Variants in SLC9A5 observed in about 807,000 individuals in gnomAD.
SLC9A5 encodes solute carrier family 9 member A5.
Under a neutral mutation model 91.7 loss-of-function variants are expected in SLC9A5, and 52 were observed. That is an observed-to-expected ratio of 0.57 (90% confidence interval 0.45 to 0.71). The LOEUF (loss-of-function observed/expected upper bound fraction) is 0.71. Among genes scored for constraint, SLC9A5 ranks in the 30% least tolerant of loss-of-function variants. The pLI is 0.00. For missense variants in SLC9A5, 871 were observed against 1,158.9 expected (o/e 0.75, Z 3.61); for synonymous variants, 419 against 474.5 (o/e 0.88, Z 1.52).
Position 67,258,542 on chromosome 16 carries a change from G to A in SLC9A5, c.1626+95G>A. 1 of 1,458,634 alleles carries A rather than the reference G, an allele frequency of 6.9e-7. No individual in the cohort carries two copies. Among genetic ancestry groups the A allele is most frequent in the East Asian group, 2.3e-5 (1 of 43,592 alleles). 90.4% of individuals were successfully genotyped at this position (1,458,634 alleles called of 1,614,324 possible). A position where few individuals can be genotyped will look rare whatever the true frequency, so the allele number is the denominator to read the frequency against. On this transcript the variant is annotated intron_variant, in intron 10 of 15. Transcript: ENST00000299798. This position sits in a 1 kb window ranked among gnomAD's most constrained non-coding sequence, Gnocchi z 4.5. Reference sequence around the variant, plus strand: ...GTGGCAAGCAGGCTGGCCCTGAGCAGGGAGTTGGGAATTCCTAGCTGGCTC... The same window carrying A: ...GTGGCAAGCAGGCTGGCCCTGAGCAAGGAGTTGGGAATTCCTAGCTGGCTC...
chr16:67,255,661 G>A lies in SLC9A5; in HGVS notation c.734-92G>A. ...TTTTGAGCCCCTGGGAGTGCGGTGG[G>A]CATCATCCCTCACTCCCTGCCAGGC... On this transcript the variant is annotated intron_variant, in intron 4 of 15. Coordinates refer to ENST00000299798, the MANE Select transcript of SLC9A5 (RefSeq NM_004594.3). This position sits in a 1 kb window ranked among gnomAD's most constrained non-coding sequence, Gnocchi z 4.9. The A allele has an allele frequency of 7.1e-7, 1 of 1,410,704 alleles. No individual in the cohort carries two copies. The allele number at this position is 1,410,704 out of a possible 1,614,324, so 87.4% of individuals were successfully genotyped here.
chr16:67,256,040 C>A lies in SLC9A5; in HGVS notation c.911+110C>A. On this transcript the variant is annotated intron_variant, in intron 5 of 15. Coordinates refer to ENST00000299798, the MANE Select transcript of SLC9A5 (RefSeq NM_004594.3). The surrounding 1 kb of genome is among the most constrained non-coding windows in gnomAD (Gnocchi z 4.1). ...CAGGAGTCCATAGGTTTCCCTGAGCCCTTGTGGTAGTGGGAGCCTCAGACT... is the reference window on the plus strand; with the variant it reads ...CAGGAGTCCATAGGTTTCCCTGAGCACTTGTGGTAGTGGGAGCCTCAGACT... 1 of 1,224,386 alleles carries A rather than the reference C, an allele frequency of 8.2e-7. No homozygotes were observed. The highest frequency in any genetic ancestry group is 1.1e-6 in the Non-Finnish European group (1 of 882,620). The allele number at this position is 1,224,386 out of a possible 1,614,324, so 75.8% of individuals were successfully genotyped here. A position where few individuals can be genotyped will look rare whatever the true frequency, so the allele number is the denominator to read the frequency against.
chr16:67,255,740 A>G lies in SLC9A5; in HGVS notation c.734-13A>G. On this transcript the variant is annotated splice_polypyrimidine_tract_variant and intron_variant, in intron 4 of 15. Coordinates refer to ENST00000299798, the MANE Select transcript of SLC9A5 (RefSeq NM_004594.3). This position sits in a 1 kb window ranked among gnomAD's most constrained non-coding sequence, Gnocchi z 4.9. ...GGGCCAGGGGTCATGCTGACAACCCACTCCTCCCCCAGCCTCCCTGTTTGT... is the reference window on the plus strand; with the variant it reads ...GGGCCAGGGGTCATGCTGACAACCCGCTCCTCCCCCAGCCTCCCTGTTTGT... The G allele has an allele frequency of 6.5e-7, 1 of 1,549,808 alleles. No homozygotes were observed. The highest frequency in any genetic ancestry group is 8.7e-7 in the Non-Finnish European group (1 of 1,146,220).
rs2035904242 is a variant in SLC9A5, at chr16:67,271,054, G to A, written c.2535G>A (p.Leu845=). The part of the protein sequence containing the change: ...PRSSFAFPPS[L]AKAGRSRSES... ...CTAGCTTCGCCTTCCCACCGAGCCT[G>A]GCCAAGGCTGGCCGCTCTCGCAGTG... The change falls in exon 16 of 16, where the codon CTG becomes CTA. Residue 845 remains leucine (L), a synonymous_variant. Transcript: ENST00000299798. The A allele has an allele frequency of 1.2e-6, 2 of 1,611,944 alleles. No individual in the cohort carries two copies. Among genetic ancestry groups the A allele is most frequent in the Non-Finnish European group, 1.7e-6 (2 of 1,178,500 alleles).
intron 10 of SLC9A5, among the ~76,000 whole-genome samples, chr16:67,259,024 G>A (rs2035421054): frequency 6.6e-6 from 1 of 151,728 alleles, no homozygotes; most frequent in Non-Finnish European, 1.5e-5. Flanking sequence ...ACTTTGGGGG[G>A]CCAAGGCGGG....
Position 67,270,732 on chromosome 16 carries a change from C to T in SLC9A5, c.2219-6C>T. ...TAATGAGTTCATGTGTACTCTCTGT[C>T]CCCAGGAAGCCTTGAGGTGTGCCCA... On this transcript the variant is annotated splice_region_variant and splice_polypyrimidine_tract_variant and intron_variant, in intron 15 of 15. Coordinates refer to ENST00000299798, the MANE Select transcript of SLC9A5 (RefSeq NM_004594.3). This position sits in a 1 kb window ranked among gnomAD's most constrained non-coding sequence, Gnocchi z 4.3. 1 of 1,583,926 alleles carries T rather than the reference C, an allele frequency of 6.3e-7. No individual in the cohort carries two copies. The highest frequency in any genetic ancestry group is 8.6e-7 in the Non-Finnish European group (1 of 1,161,368).
rs1223038858 is a variant in SLC9A5, at chr16:67,255,640, G to C, written c.734-113G>C. ...CCAGGGATCCTGGCTCTGGGGTTTT[G>C]AGCCCCTGGGAGTGCGGTGGGCATC... is the stretch of plus-strand genomic sequence containing the variant. On this transcript the variant is annotated intron_variant, in intron 4 of 15. Transcript: ENST00000299798. This position sits in a 1 kb window ranked among gnomAD's most constrained non-coding sequence, Gnocchi z 4.9. The C allele has an allele frequency of 2.2e-6, 3 of 1,349,064 alleles. No individual in the cohort carries two copies. Among genetic ancestry groups the C allele is most frequent in the African/African-American group, 1.4e-5 (1 of 69,060 alleles). 83.6% of individuals were successfully genotyped at this position (1,349,064 alleles called of 1,614,324 possible). A position where few individuals can be genotyped will look rare whatever the true frequency, so the allele number is the denominator to read the frequency against.
chr16:67,254,717 G>A (rs2035247218), intron 2 of SLC9A5, among the ~76,000 whole-genome samples: 1 of 152,188 alleles, frequency 6.6e-6, no homozygotes, highest in African/African-American at 2.4e-5. Context: ...ATTCCAAATG[G>A]CTGGGTTGAG....
At chr16:67,266,623 C>T (rs1415988381) in intron 15 of SLC9A5, among the ~76,000 whole-genome samples, 1 of 152,012 alleles carries the variant, frequency 6.6e-6, no homozygotes, top group Non-Finnish European at 1.5e-5. Flanking sequence ...TCACTGCAAC[C>T]TCTGGCTCCC....
rs1476180928 is a variant in SLC9A5, at chr16:67,271,259, T to C, written c.*49T>C. ...GAGGTGGAATCCCTGTGGGAAGTGC[T>C]CCCTGGGTGATGGGTAGAGCCCTCG... is the stretch of plus-strand genomic sequence containing the variant. On this transcript the variant is annotated 3_prime_UTR_variant, in exon 16 of 16. Transcript: ENST00000299798. The C allele has an allele frequency of 8.7e-6, 13 of 1,500,406 alleles. No individual in the cohort carries two copies. The highest frequency in any genetic ancestry group is 1.2e-5 in the Non-Finnish European group (13 of 1,101,180). The allele number at this position is 1,500,406 out of a possible 1,614,324, so 92.9% of individuals were successfully genotyped here.
In SLC9A5 at chr16:67,271,337, T is replaced by C. The variant is rs2035918746; in HGVS notation, c.*127T>C. The C allele has an allele frequency of 1.2e-6, 1 of 828,354 alleles. No individual in the cohort carries two copies. The highest frequency in any genetic ancestry group is 1.9e-6 in the Non-Finnish European group (1 of 523,028). The allele number at this position is 828,354 out of a possible 1,614,324, so 51.3% of individuals were successfully genotyped here. On this transcript the variant is annotated 3_prime_UTR_variant, in exon 16 of 16. Transcript: ENST00000299798. ...GGGTTGAAGTAGTAATTGGGCTTCC[T>C]TGGAGCTAGTCAGAGGGGTCACCTA...
chr16:67,249,694 C>T (rs1374972368), intron 1 of SLC9A5, among the ~76,000 whole-genome samples: 1 of 152,170 alleles, frequency 6.6e-6, no homozygotes, highest in African/African-American at 2.4e-5. Flanking sequence ...GCCACTTTTC[C>T]TCCAGCTCTC....
intron 12 of SLC9A5, among the ~76,000 whole-genome samples, chr16:67,264,107 T>C (rs1407089102): frequency 6.6e-6 from 1 of 152,020 alleles, no homozygotes; most frequent in Non-Finnish European, 1.5e-5. Flanking sequence ...ATGGCAAGGG[T>C]TGGGGAAGGC....
chr16:67,258,152 T>C lies in SLC9A5; in HGVS notation c.1497-166T>C, dbSNP rs2035387190. 6.6e-6 allele frequency among the ~76,000 whole-genome samples: 1 copy of C among 152,354 alleles called. No homozygotes were observed. Among genetic ancestry groups the C allele is most frequent in the Admixed American group, 6.5e-5 (1 of 15,306 alleles). On this transcript the variant is annotated intron_variant, in intron 9 of 15. Transcript: ENST00000299798. This position sits in a 1 kb window ranked among gnomAD's most constrained non-coding sequence, Gnocchi z 4.5. The stretch of plus-strand genomic sequence containing the variant: ...GTTACTGTCAGCCTTTCCCATGACA[T>C]TGTAAATTCCATGAGGGCAGGGACT...
At chr16:67,251,774 C>T (rs973259845) in intron 1 of SLC9A5, among the ~76,000 whole-genome samples, 2 of 152,108 alleles carry the variant, frequency 1.3e-5, no homozygotes, top group Admixed American at 6.5e-5. Flanking sequence ...TTTTTACTCC[C>T]ATTTCACTGA....
At chr16:67,265,819 G>C (rs1391791795) in intron 14 of SLC9A5, among the ~76,000 whole-genome samples, 1 of 152,244 alleles carries the variant, frequency 6.6e-6, no homozygotes, top group East Asian at 1.9e-4. Context: ...GCTGAAAGAA[G>C]AGGATGGGGG....
At position 67,270,936 on chromosome 16, in the gene SLC9A5, G is replaced by A; in HGVS notation, c.2417G>A (p.Cys806Tyr). 1 of 1,614,004 alleles carries A rather than the reference G, an allele frequency of 6.2e-7. No homozygotes were observed. The change falls in exon 16 of 16, where the codon TGT (cysteine) becomes TAT (tyrosine). Residue 806 changes from cysteine to tyrosine, a missense_variant. Physicochemically the swap from Cys to Tyr is radical, Grantham distance 194 (BLOSUM62 -2). Around this residue, in one of 3 missense-constraint regions of SLC9A5, gnomAD observed 295 missense variants for 326.0 expected, o/e 0.90. Transcript: ENST00000299798. This position sits in a 1 kb window ranked among gnomAD's most constrained non-coding sequence, Gnocchi z 4.3. ...CTGGAGAGCCTAGCGTCCCCTCCCT[G>A]TAACCAGGCCCCAATTCTGACCTGC... ...SSLESLASPP[C>Y]NQAPILTCLP...
rs371690902 is a variant in SLC9A5, at chr16:67,249,170, G to A, written c.156G>A (p.Leu52=). 17 of 1,553,926 alleles carry A rather than the reference G, an allele frequency of 1.1e-5. No homozygotes were observed. In the African/African-American group the frequency reaches 2.2e-4, roughly 20 times the overall value. The change falls in exon 1 of 16, where the codon CTG becomes CTA. Residue 52 remains leucine (L), a synonymous_variant. Transcript: ENST00000299798. ...HEVEAPYLVA[L]WILVASLAKI... is the part of the protein sequence containing the mutation. ...TGGAGGCGCCCTACCTGGTGGCCCT[G>A]TGGATCCTGGTGGCCAGTCTGGCCA...
intron 10 of SLC9A5, among the ~76,000 whole-genome samples, chr16:67,259,323 C>A (rs2035437173): frequency 7.7e-6 from 1 of 129,706 alleles, no homozygotes; most frequent in South Asian, 2.4e-4. Flanking sequence ...GAGATCGTGT[C>A]ACTGCACTCC....
Sources: allele counts gnomAD v4.1 joint callset (sites outside exome capture counted in the v4.1 genomes callset), GRCh38; gene constraint gnomAD v4.1.1; regional missense constraint gnomAD v4.1.1; non-coding constraint Gnocchi (gnomAD v3.1); transcripts MANE v1.5; gene names NCBI Gene and HGNC (gene_info 2026-07-23, HGNC 2026-07-21).